The following CASQ2 variants were observed in gnomAD, a reference collection of about 807,000 sequenced individuals.
CASQ2 encodes the protein calsequestrin 2.
CASQ2 carries 49 observed loss-of-function variants against 46.5 expected under a neutral mutation model. The ratio of observed to expected loss-of-function variants is 1.05; its 90% CI spans 0.84 to 1.34. CASQ2 has a LOEUF of 1.34. Ranked by LOEUF, CASQ2 falls within the 40% of genes most tolerant of loss-of-function variation. The pLI, the probability that CASQ2 is intolerant of heterozygous loss-of-function variation, is 0.00. For synonymous variants in CASQ2, 174 were observed against 168.5 expected (o/e 1.03, Z -0.25); for missense variants, 486 against 481.3 (o/e 1.01, Z -0.09).
At chr1:115,753,093 A>C (rs1362726831) in intron 1 of CASQ2, among the ~76,000 whole-genome samples, 3 of 152,212 alleles carry the variant, frequency 2.0e-5, no homozygotes, top group African/African-American at 7.2e-5. Flanking sequence ...GGCATGACAG[A>C]ACTGGGGAAG....
chr1:115,732,937 C>T lies in CASQ2; in HGVS notation c.570G>A (p.Gln190=). 6.2e-7 allele frequency: 1 copy of T among 1,613,852 alleles called. No homozygotes were observed. Among genetic ancestry groups the T allele is most frequent in the Non-Finnish European group, 8.5e-7 (1 of 1,179,880 alleles). The change falls in exon 5 of 11, where the codon CAG becomes CAA. Residue 190 remains glutamine, a synonymous_variant. Transcript: ENST00000261448. ...KAFEEAAEHF[Q]PYIKFFATFD... ...AGGTGGCAAAGAATTTGATGTAAGG[C>T]TGGAAGTGTTCAGCTGCTTCTTCAA...
At chr1:115,731,906 T>C (rs535421504) in intron 5 of CASQ2, among the ~76,000 whole-genome samples, 2 of 152,290 alleles carry the variant, frequency 1.3e-5, no homozygotes, top group East Asian at 3.9e-4. Flanking sequence ...TTTTTGAATT[T>C]ATTATTTTTT....
chr1:115,763,937 C>G (rs1649042249), intron 1 of CASQ2, among the ~76,000 whole-genome samples: 1 of 151,972 alleles, frequency 6.6e-6, no homozygotes, highest in African/African-American at 2.4e-5. Context: ...TGTCCTCTGT[C>G]TCTGAGTCCT....
chr1:115,768,183 CA>C, intron 1 of CASQ2, 124 bp downstream of exon 1: 1 of 740,608 alleles, frequency 1.4e-6, no homozygotes. Context: ...CACGTGAGGC[CA>C]AAATAAAGCA....
intron 7 of CASQ2, among the ~76,000 whole-genome samples, chr1:115,724,697 C>A (rs1281148834): frequency 2.0e-5 from 3 of 152,186 alleles, no homozygotes; most frequent in Non-Finnish European, 4.4e-5. Flanking sequence ...CAGCTGCTTG[C>A]CAGTGCCTTC....
intron 2 of CASQ2, among the ~76,000 whole-genome samples, chr1:115,744,578 T>C (rs1315670859): frequency 1.3e-5 from 2 of 152,194 alleles, no homozygotes; most frequent in Non-Finnish European, 2.9e-5. Flanking sequence ...AGCATCAATT[T>C]CTCCAGGAAG....
intron 2 of CASQ2, among the ~76,000 whole-genome samples, chr1:115,741,432 C>T (rs1648174930): frequency 6.6e-6 from 1 of 152,212 alleles, no homozygotes; most frequent in African/African-American, 2.4e-5. Context: ...ATTCATTTTT[C>T]TTAAGAAAGG....
intron 7 of CASQ2, 131 bp from the exon 8 acceptor site, chr1:115,718,025 C>A: frequency 1.4e-6 from 1 of 736,648 alleles, no homozygotes; most frequent in South Asian, 1.4e-5. Flanking sequence ...GGGATGAACA[C>A]AGAAGCACAG....
At chr1:115,766,040 G>T (rs1396930803) in intron 1 of CASQ2, among the ~76,000 whole-genome samples, 1 of 152,050 alleles carries the variant, frequency 6.6e-6, no homozygotes, top group Non-Finnish European at 1.5e-5. Context: ...ACAAAGGCCC[G>T]CCCCTTCCTC....
chr1:115,758,315 A>G (rs1020959273), intron 1 of CASQ2, among the ~76,000 whole-genome samples: 1 of 152,242 alleles, frequency 6.6e-6, no homozygotes, highest in African/African-American at 2.4e-5. Flanking sequence ...CCATATTGGC[A>G]TGGTTTATGG....
At chr1:115,767,472 C>T (rs966275827) in intron 1 of CASQ2, among the ~76,000 whole-genome samples, 2 of 152,096 alleles carry the variant, frequency 1.3e-5, no homozygotes, top group African/African-American at 4.8e-5. Flanking sequence ...CTCAAATATC[C>T]CTTTCACAGG....
At chr1:115,714,707 A>C (rs1343545811) in intron 8 of CASQ2, among the ~76,000 whole-genome samples, 1 of 152,224 alleles carries the variant, frequency 6.6e-6, no homozygotes, top group Admixed American at 6.5e-5. Context: ...TCACTGATTA[A>C]CCACAAATTC....
At chr1:115,706,193 T>C (rs755447627) in intron 8 of CASQ2, among the ~76,000 whole-genome samples, 3 of 151,672 alleles carry the variant, frequency 2.0e-5, no homozygotes, top group Non-Finnish European at 4.4e-5. Context: ...TATGTGTGTG[T>C]GCGTGTGTGT....
At chr1:115,710,454 T>G (rs7551746) in intron 8 of CASQ2, among the ~76,000 whole-genome samples, 6 of 151,908 alleles carry the variant, frequency 3.9e-5, no homozygotes, top group African/African-American at 7.3e-5. Context: ...CTGAGGTCTC[T>G]GCACTCCTAC....
chr1:115,746,153 G>A (rs10737732), intron 1 of CASQ2, among the ~76,000 whole-genome samples: 41,530 of 136,380 alleles, frequency 0.3, 6,099 homozygotes, highest in East Asian at 0.46. Context: ...TGCATGTATC[G>A]ATACGCTGTT....
intron 4 of CASQ2, among the ~76,000 whole-genome samples, chr1:115,735,282 G>A (rs1647919134): frequency 6.6e-6 from 1 of 152,164 alleles, no homozygotes; most frequent in South Asian, 2.1e-4. Context: ...GTGAAGAAAT[G>A]GGTTCAGGAG....
intron 7 of CASQ2, among the ~76,000 whole-genome samples, chr1:115,721,808 C>T (rs1361092295): frequency 1.3e-5 from 2 of 152,160 alleles, no homozygotes; most frequent in African/African-American, 2.4e-5. Context: ...TTGACTCAAA[C>T]GATCTGCCCA....
chr1:115,750,529 G>A (rs1648541161), intron 1 of CASQ2, among the ~76,000 whole-genome samples: 3 of 152,092 alleles, frequency 2.0e-5, no homozygotes, highest in South Asian at 2.1e-4. Flanking sequence ...TTTGTTTTGG[G>A]ACTTGGTCTC....
At position 115,705,232 on chromosome 1, in the gene CASQ2, T is replaced by C. The variant is rs1266202968; in HGVS notation, c.899A>G (p.Asp300Gly). 3 of 1,614,074 alleles carry C rather than the reference T, an allele frequency of 1.9e-6. No individual in the cohort carries two copies. The highest frequency in any genetic ancestry group is 2.5e-6 in the Non-Finnish European group (3 of 1,179,898). The change falls in exon 9 of 11, where the codon GAT becomes GGT. Residue 300 changes from aspartate (D) to glycine (G), a missense_variant. Asp to Gly is a moderately conservative substitution (Grantham distance 94). Coordinates refer to ENST00000261448, the MANE Select transcript of CASQ2 (RefSeq NM_001232.4). ...QVARDNTDNP[D>G]LSILWIDPDD... is the part of the protein sequence containing the mutation. ...CGGGTCGATCCACAGGATGCTCAGA[T>C]CGGGGTTGTCAGTATTGTCCCGGGC...
Sources: gnomAD v4.1 joint callset for allele counts (sites outside exome capture counted in the v4.1 genomes callset) on GRCh38, gnomAD v4.1.1 for gene constraint, MANE v1.5 for transcripts, NCBI Gene and HGNC (gene_info 2026-07-23, HGNC 2026-07-21) for gene names.